EP400: variants seen among roughly 807,000 people sequenced by gnomAD.
EP400 encodes E1A-binding protein p400.
Under a neutral mutation model 354.1 loss-of-function variants are expected in EP400, and 105 were observed. That is an observed-to-expected ratio of 0.30 (90% CI 0.25 to 0.35). The LOEUF (loss-of-function observed/expected upper bound fraction) is 0.35, where lower values mean the gene tolerates loss of function less well. EP400 is among the 10% of genes least tolerant of loss of function. The probability of loss-of-function intolerance (pLI) is 1.00; values close to 1 mark genes in which losing one functional copy is unlikely to be tolerated. For missense variants in EP400, 3,280 were observed against 4,121.0 expected (o/e 0.80, Z 5.59); for synonymous variants, 1,646 against 1,716.9 (o/e 0.96, Z 1.02).
intron 6 of EP400, 130 bp from the exon 7 acceptor site, chr12:131,987,575 T>C: frequency 1.4e-6 from 1 of 729,282 alleles, no homozygotes; most frequent in African/African-American, 1.8e-5. Context: ...AACTGGGACC[T>C]TGTGCTTTCT....
intron 2 of EP400, among the ~76,000 whole-genome samples, chr12:131,967,606 C>G (rs546604960): frequency 1.3e-5 from 2 of 151,710 alleles, no homozygotes; most frequent in South Asian, 2.1e-4. Context: ...AGGAAAATCT[C>G]TTGAACCTGG....
intron 11 of EP400, among the ~76,000 whole-genome samples, chr12:131,993,700 A>T (rs1893116628): frequency 1.3e-5 from 2 of 152,212 alleles, no homozygotes; most frequent in Admixed American, 1.3e-4. Context: ...TCCGGCTACA[A>T]ACCTGCACAC....
In EP400 at chr12:132,062,257, G is replaced by A. The variant is rs143144532; in HGVS notation, c.8032G>A (p.Val2678Met). 9.3e-6 allele frequency: 15 copies of A among 1,614,084 alleles called. No homozygotes were observed. The highest frequency in any genetic ancestry group is 5.5e-5 in the South Asian group (5 of 91,088). Residue 2678 changes from valine (V) to methionine (M), a missense_variant, in exon 46 of 53, where the codon GTG becomes ATG. Physicochemically the swap from Val to Met is conservative, Grantham distance 21 (BLOSUM62 1). Transcript: ENST00000389561. ...RAVTSVTASA[V>M]VTTNLTPVQT... ...GGTCACTTCTGTGACAGCCTCGGCCGTGGTCACTACCAACCTGACCCCAGT... is the reference window on the plus strand; with the variant it reads ...GGTCACTTCTGTGACAGCCTCGGCCATGGTCACTACCAACCTGACCCCAGT...
intron 5 of EP400, among the ~76,000 whole-genome samples, chr12:131,983,984 C>G (rs888827502): frequency 2.0e-5 from 3 of 152,098 alleles, no homozygotes; most frequent in East Asian, 3.9e-4. Flanking sequence ...TCACCACAAC[C>G]TCTGCCTCCT....
rs1191491600 is a variant in EP400, at chr12:131,951,145, T to A, written c.-36+1109T>A. On this transcript the variant is annotated intron_variant, in intron 1 of 52. Coordinates refer to ENST00000389561, the MANE Select transcript of EP400 (RefSeq NM_015409.5). Reference sequence around the variant, plus strand: ...GTTGGTCCGGCTGGTCTGGAACTCCTGACCTCGTGATCCGCCCCCTTGGCC... The same window carrying A: ...GTTGGTCCGGCTGGTCTGGAACTCCAGACCTCGTGATCCGCCCCCTTGGCC... 2.7e-5 allele frequency among the ~76,000 whole-genome samples: 4 copies of A among 149,398 alleles called. No individual in the cohort carries two copies. The South Asian group carries it at 8.6e-4, about 32-fold the overall frequency.
At chr12:131,984,004 C>T (rs1224254571) in intron 5 of EP400, among the ~76,000 whole-genome samples, 4 of 151,870 alleles carry the variant, frequency 2.6e-5, no homozygotes, top group South Asian at 2.1e-4. Flanking sequence ...TGGGTTCAAG[C>T]GATTCTCCTG....
intron 48 of EP400, 86 bp from the exon 49 acceptor site, chr12:132,066,688 T>A (rs1895903756): frequency 7.3e-7 from 1 of 1,376,640 alleles, no homozygotes; most frequent in Non-Finnish European, 9.9e-7. Flanking sequence ...AATTTTCTCA[T>A]GGCATGACCT....
chr12:132,074,955 G>C (rs1470010900), intron 51 of EP400, among the ~76,000 whole-genome samples: 1 of 152,098 alleles, frequency 6.6e-6, no homozygotes, highest in Non-Finnish European at 1.5e-5. Context: ...CAAAGGTGGA[G>C]TTTTGCTTCC....
rs557951494 is a variant in EP400 at position 132,025,680 on chromosome 12, G to C, written c.4890G>C (p.Gln1630His). Reference protein sequence around the residue: ...SVLQIVSAPGQPYLRAPGPVV... With the variant: ...SVLQIVSAPGHPYLRAPGPVV... ...TCCAGATCGTGTCCGCCCCCGGGCA[G>C]CCCTACCTTCGAGCCCCTGGCCCTG... is the stretch of plus-strand genomic sequence containing the variant. Residue 1630 changes from glutamine (Q) to histidine (H), a missense_variant, in exon 25 of 53, where the codon CAG becomes CAC. Gln to His is a conservative substitution (Grantham distance 24). Around this residue, in one of 20 missense-constraint regions of EP400, gnomAD observed 459 missense variants for 496.9 expected, o/e 0.92. Coordinates refer to ENST00000389561, the MANE Select transcript of EP400 (RefSeq NM_015409.5). The surrounding 1 kb of genome is among the most constrained non-coding windows in gnomAD (Gnocchi z 4.1). 3.7e-6 allele frequency: 6 copies of C among 1,612,492 alleles called. No homozygotes were observed. The highest frequency in any genetic ancestry group is 3.4e-6 in the Non-Finnish European group (4 of 1,179,380).
At chr12:132,004,979 C>A in intron 12 of EP400, 98 bp from the exon 13 acceptor site, 2 of 852,064 alleles carry the variant, frequency 2.3e-6, no homozygotes, top group Non-Finnish European at 3.9e-6. Context: ...GAGCCCCTTG[C>A]CCTTCTTACC....
intron 19 of EP400, among the ~76,000 whole-genome samples, chr12:132,014,399 C>T (rs1893859151): frequency 6.6e-6 from 1 of 152,206 alleles, no homozygotes; most frequent in African/African-American, 2.4e-5. Context: ...TGGCCAGCCG[C>T]TGTGCCTCTG....
At chr12:132,037,385 G>T (rs1181028198) in intron 30 of EP400, among the ~76,000 whole-genome samples, 1 of 152,212 alleles carries the variant, frequency 6.6e-6, no homozygotes, top group Non-Finnish European at 1.5e-5. Context: ...GAAGGACCAG[G>T]TGGGACATTT....
At position 132,018,869 on chromosome 12, in the gene EP400, A is replaced by C. The variant is rs1406351055; in HGVS notation, c.4277+493A>C. Among the ~76,000 whole-genome samples the C allele has an allele frequency of 6.6e-6, 1 of 152,226 alleles. No homozygotes were observed. The highest frequency in any genetic ancestry group is 1.5e-5 in the Non-Finnish European group (1 of 68,038). ...AAATGACTCATAGTCTAAATCTAGCAATTGGAAATATCCAAAATCCTATGC... is the reference window on the plus strand; with the variant it reads ...AAATGACTCATAGTCTAAATCTAGCCATTGGAAATATCCAAAATCCTATGC... On this transcript the variant is annotated intron_variant, in intron 21 of 52. Coordinates refer to ENST00000389561, the MANE Select transcript of EP400 (RefSeq NM_015409.5). This position sits in a 1 kb window ranked among gnomAD's most constrained non-coding sequence, Gnocchi z 4.0.
intron 44 of EP400, 23 bp from the exon 45 acceptor site, chr12:132,055,076 C>G (rs1318308858): frequency 6.2e-7 from 1 of 1,613,860 alleles, no homozygotes; most frequent in Admixed American, 1.7e-5. Flanking sequence ...GCGCTGTTGC[C>G]TTATGCCCGC....
intron 2 of EP400, among the ~76,000 whole-genome samples, chr12:131,965,902 T>C (rs1892058220): frequency 6.6e-6 from 1 of 152,172 alleles, no homozygotes; most frequent in East Asian, 1.9e-4. Context: ...TTTCAGAATT[T>C]GGGAATAAAG....
At chr12:132,035,233 G>A (rs1011892044) in intron 30 of EP400, among the ~76,000 whole-genome samples, 28 of 152,076 alleles carry the variant, frequency 1.8e-4, no homozygotes, top group Admixed American at 1.7e-3. Flanking sequence ...TTAAGGGAAC[G>A]AGCCTGTTCA....
At chr12:132,020,260 T>C in intron 22 of EP400, 42 bp downstream of exon 22, 1 of 1,530,362 alleles carries the variant, frequency 6.5e-7, no homozygotes, top group Non-Finnish European at 8.8e-7. Flanking sequence ...TTATGGAGGT[T>C]TTTGTGGGAC....
At chr12:131,984,838 ACAGGCATGC>A (rs1892800682) in intron 5 of EP400, among the ~76,000 whole-genome samples, 1 of 151,366 alleles carries the variant, frequency 6.6e-6, no homozygotes, top group South Asian at 2.1e-4. Flanking sequence ...AGCTGGGACT[ACAGGCATGC>A]GCCACCACGC....
rs763318882 is a variant in EP400, at chr12:132,053,564, C to T, written c.7695C>T (p.Pro2565=). 19 of 1,564,476 alleles carry T rather than the reference C, an allele frequency of 1.2e-5. No individual in the cohort carries two copies. Among genetic ancestry groups the T allele is most frequent in the Non-Finnish European group, 1.5e-5 (18 of 1,161,566 alleles). The change falls in exon 43 of 53, where the codon CCC becomes CCT. Residue 2565 remains proline, a synonymous_variant. Transcript: ENST00000389561. ...QPVQAPAKAQ[P]AITTGGSAAV... ...TGCAGGCCCCAGCGAAGGCGCAGCC[C>T]GCAATCACGACGGGGGGCAGTGCAG...
Sources: allele counts gnomAD v4.1 joint callset (sites outside exome capture counted in the v4.1 genomes callset), GRCh38; gene constraint gnomAD v4.1.1; regional missense constraint gnomAD v4.1.1; non-coding constraint Gnocchi (gnomAD v3.1); transcripts MANE v1.5; gene names NCBI Gene and HGNC (gene_info 2026-07-23, HGNC 2026-07-21).